KRABD5: variants seen among roughly 807,000 people sequenced by gnomAD.
KRABD5 encodes KRAB domain containing 5, also known as KRAB domain-containing protein 5.
chr16:31,717,356 G>C, the KRABD5 span, among the ~76,000 whole-genome samples: 1 of 152,144 alleles, frequency 6.6e-6, no homozygotes, highest in African/African-American at 2.4e-5. Context: ...TTGAACTATA[G>C]GTAGCAAAGA....
chr16:31,759,078 A>C, the KRABD5 span: 1 of 303,864 alleles, frequency 3.3e-6, no homozygotes, highest in Non-Finnish European at 6.4e-6. Flanking sequence ...ACCACTAAAA[A>C]ATGCAAAGAA....
the KRABD5 span, among the ~76,000 whole-genome samples, chr16:31,743,772 T>C: frequency 6.6e-6 from 1 of 152,200 alleles, no homozygotes; most frequent in Non-Finnish European, 1.5e-5. Context: ...TATTTTTCCA[T>C]TTGCTTGTGT....
the KRABD5 span, among the ~76,000 whole-genome samples, chr16:31,752,652 G>A: frequency 1.3e-5 from 2 of 152,160 alleles, no homozygotes; most frequent in East Asian, 3.9e-4. Context: ...TATTCCTTGA[G>A]GCCAGGAATT....
At chr16:31,761,457 G>T in the KRABD5 span, 1 of 152,136 alleles carries the variant, frequency 6.6e-6, no homozygotes, top group Admixed American at 6.6e-5. Context: ...CCTATACATT[G>T]TCTGGTAACT....
chr16:31,725,617 A>G, the KRABD5 span, among the ~76,000 whole-genome samples: 1 of 152,242 alleles, frequency 6.6e-6, no homozygotes, highest in African/African-American at 2.4e-5. Flanking sequence ...GATAGTAGAC[A>G]TTCTAACGGT....
At chr16:31,738,951 A>G in the KRABD5 span, among the ~76,000 whole-genome samples, 1 of 152,252 alleles carries the variant, frequency 6.6e-6, no homozygotes, top group South Asian at 2.1e-4. Context: ...CTGCCTCTTT[A>G]TGAACTCTCC....
chr16:31,718,418 C>T, the KRABD5 span, among the ~76,000 whole-genome samples: 3 of 152,146 alleles, frequency 2.0e-5, no homozygotes, highest in African/African-American at 7.2e-5. Context: ...TGACATAGAC[C>T]TTGTAAAGCC....
At chr16:31,761,464 A>G in the KRABD5 span, 3 of 152,100 alleles carry the variant, frequency 2.0e-5, no homozygotes, top group African/African-American at 7.2e-5. Context: ...ATTGTCTGGT[A>G]ACTTAATTTT....
At chr16:31,734,747 T>C in the KRABD5 span, among the ~76,000 whole-genome samples, 6 of 151,388 alleles carry the variant, frequency 4.0e-5, no homozygotes, top group Non-Finnish European at 5.9e-5. Context: ...TTTCCTTTTC[T>C]TTTTCTTTTT....
chr16:31,739,828 G>T, the KRABD5 span, among the ~76,000 whole-genome samples: 7 of 152,092 alleles, frequency 4.6e-5, no homozygotes, highest in African/African-American at 1.4e-4. Flanking sequence ...CCGGAATGAG[G>T]GCAAGGAACA....
the KRABD5 span, among the ~76,000 whole-genome samples, chr16:31,742,966 A>G: frequency 1.3e-5 from 2 of 152,154 alleles, no homozygotes; most frequent in African/African-American, 4.8e-5. Flanking sequence ...TCTTCTTTTA[A>G]GAAGTGTCTG....
At chr16:31,723,386 G>A in the KRABD5 span, 1 of 1,591,430 alleles carries the variant, frequency 6.3e-7, no homozygotes, top group Admixed American at 1.8e-5. Context: ...GATGACATGG[G>A]CGAGAGGTCC....
the KRABD5 span, among the ~76,000 whole-genome samples, chr16:31,724,943 G>A: frequency 1.3e-5 from 2 of 151,936 alleles, no homozygotes; most frequent in Non-Finnish European, 2.9e-5. Context: ...TACAGTATTT[G>A]TATTTCTCTA....
At chr16:31,737,863 G>T in the KRABD5 span, among the ~76,000 whole-genome samples, 2 of 152,078 alleles carry the variant, frequency 1.3e-5, no homozygotes, top group African/African-American at 2.4e-5. Context: ...TGTGCAAAAA[G>T]TTCCATTAAT....
At chr16:31,745,944 T>G in the KRABD5 span, among the ~76,000 whole-genome samples, 1 of 152,154 alleles carries the variant, frequency 6.6e-6, no homozygotes, top group Admixed American at 6.6e-5. Flanking sequence ...TTGCAACCCC[T>G]GCTTTTTTTT....
the KRABD5 span, among the ~76,000 whole-genome samples, chr16:31,749,175 G>C: frequency 6.6e-6 from 1 of 152,164 alleles, no homozygotes; most frequent in Non-Finnish European, 1.5e-5. Flanking sequence ...TGGAGTTCCT[G>C]CAGGGAAGCT....
the KRABD5 span, among the ~76,000 whole-genome samples, chr16:31,728,977 A>G: frequency 6.6e-6 from 1 of 152,156 alleles, no homozygotes; most frequent in Non-Finnish European, 1.5e-5. Context: ...GCATATATCT[A>G]TTTAATTGCT....
At chr16:31,750,873 C>A in the KRABD5 span, among the ~76,000 whole-genome samples, 1 of 152,116 alleles carries the variant, frequency 6.6e-6, no homozygotes, top group Non-Finnish European at 1.5e-5. Context: ...TATTCTCATG[C>A]CTCAGTCGCC....
chr16:31,732,798 T>G, the KRABD5 span, among the ~76,000 whole-genome samples: 11 of 152,346 alleles, frequency 7.2e-5, no homozygotes, highest in African/African-American at 2.6e-4. Flanking sequence ...GAGCTAATTA[T>G]TAATGATTGT....
Sources: gnomAD v4.1 joint callset for allele counts (sites outside exome capture counted in the v4.1 genomes callset) on GRCh38, gnomAD v4.1.1 for gene constraint, MANE v1.5 for transcripts, NCBI Gene and HGNC (gene_info 2026-07-23, HGNC 2026-07-21) for gene names.